Variants in LSS observed in about 807,000 individuals in gnomAD.
LSS encodes lanosterol synthase, also known as 2,3-epoxysqualene-lanosterol cyclase.
Under a neutral mutation model 110.3 loss-of-function variants are expected in LSS, and 90 were observed. The observed-to-expected ratio is 0.82, with a 90% CI of 0.69 to 0.97. LSS has a LOEUF of 0.97. Ranked by LOEUF, LSS falls within the 50% of genes least tolerant of loss-of-function variation. The probability of loss-of-function intolerance (pLI) is 0.00; values close to 1 mark genes in which losing one functional copy is unlikely to be tolerated. For missense variants in LSS, 927 were observed against 990.0 expected (o/e 0.94, Z 0.85); for synonymous variants, 433 against 400.0 (o/e 1.08, Z -0.98).
intron 3 of LSS, among the ~76,000 whole-genome samples, chr21:46,223,603 A>G (rs1569037085): frequency 6.6e-6 from 1 of 152,362 alleles, no homozygotes; most frequent in East Asian, 1.9e-4. Flanking sequence ...TACCAGATAT[A>G]GATCTTAGAG....
At chr21:46,213,923 C>T in intron 9 of LSS, 88 bp from the exon 10 acceptor site, 2 of 924,232 alleles carry the variant, frequency 2.2e-6, no homozygotes, top group South Asian at 2.8e-5. Context: ...ACAGCAGCCC[C>T]CAGGCATAAA....
intron 17 of LSS, among the ~76,000 whole-genome samples, chr21:46,200,002 G>A (rs537166975): frequency 6.6e-6 from 1 of 152,302 alleles, no homozygotes; most frequent in South Asian, 2.1e-4. Context: ...TTAGTACTGG[G>A]GAAACTTGAG....
At chr21:46,212,422 C>T (rs377584218) in intron 11 of LSS, among the ~76,000 whole-genome samples, 11 of 152,238 alleles carry the variant, frequency 7.2e-5, no homozygotes, top group South Asian at 2.1e-4. Flanking sequence ...GCTTCTGACA[C>T]GCACAGAGGG....
intron 15 of LSS, among the ~76,000 whole-genome samples, 193 bp downstream of exon 15, chr21:46,207,235 C>T (rs770911642): frequency 2.0e-4 from 31 of 152,232 alleles, no homozygotes; most frequent in Non-Finnish European, 3.7e-4. Context: ...GGGCCCTGTG[C>T]ACACAGCCCA....
chr21:46,208,410 G>A, intron 13 of LSS, 109 bp from the exon 14 acceptor site: 2 of 998,674 alleles, frequency 2.0e-6, no homozygotes, highest in South Asian at 2.8e-5. Context: ...GGCAGAACGT[G>A]CCTGGGAGCT....
intron 6 of LSS, 58 bp downstream of exon 6, chr21:46,219,418 C>T: frequency 2.3e-6 from 3 of 1,298,976 alleles, no homozygotes; most frequent in Non-Finnish European, 2.1e-6. Flanking sequence ...CGGTCCCTGT[C>T]ACTCTACTCC....
intron 17 of LSS, among the ~76,000 whole-genome samples, chr21:46,196,977 C>A (rs1318059822): frequency 2.0e-5 from 3 of 152,250 alleles, no homozygotes; most frequent in Non-Finnish European, 2.9e-5. Flanking sequence ...TCCTTCCTCA[C>A]TGGAAGCTCA....
chr21:46,207,739 A>T (rs1167101409), intron 14 of LSS, among the ~76,000 whole-genome samples, 162 bp from the exon 15 acceptor site: 1 of 152,296 alleles, frequency 6.6e-6, no homozygotes, highest in South Asian at 2.1e-4. Context: ...AGCTGGGTAC[A>T]TCCAGACAGA....
At chr21:46,214,520 AC>A in intron 9 of LSS, among the ~76,000 whole-genome samples, 1 of 152,346 alleles carries the variant, frequency 6.6e-6, no homozygotes, top group Non-Finnish European at 1.5e-5. Flanking sequence ...GCCCAGTGCC[AC>A]CTGGGTATGT....
Position 46,204,629 on chromosome 21 carries a change from A to AAAAG in LSS, c.1670+1203_1670+1206dup, listed in dbSNP as rs539478549. On this transcript the variant is annotated intron_variant, in intron 17 of 21. Coordinates refer to ENST00000397728, the MANE Select transcript of LSS (RefSeq NM_002340.6). ...GAGAGCTAGAACCCATCTCAAAAAAAAAAGAAAGAAAGAAAGAAAGAAAGA... is the reference window on the plus strand; with the variant it reads ...GAGAGCTAGAACCCATCTCAAAAAAAAAAGAAAGAAAGAAAGAAAGAAAGAAAGA... 2.8e-3 allele frequency among the ~76,000 whole-genome samples: 427 copies of AAAAG among 151,736 alleles called. 1 individual carries two copies. The highest frequency in any genetic ancestry group is 6.9e-3 in the African/African-American group (287 of 41,480).
chr21:46,209,548 C>G lies in LSS; in HGVS notation c.1266+6G>C. 1.2e-6 allele frequency: 2 copies of G among 1,602,642 alleles called. No individual in the cohort carries two copies. Among genetic ancestry groups the G allele is most frequent in the Non-Finnish European group, 1.7e-6 (2 of 1,175,066 alleles). On this transcript the variant is annotated splice_donor_region_variant and intron_variant, in intron 13 of 21. Transcript: ENST00000397728. This position sits in a 1 kb window ranked among gnomAD's most constrained non-coding sequence, Gnocchi z 4.4. ...GCCCCCTCAGAGCCCCAGGCACCGG[C>G]CTCACCTGTGAGAGCCTCAGGAACT...
chr21:46,224,388 C>G (rs1013255152), intron 3 of LSS, among the ~76,000 whole-genome samples: 8 of 152,222 alleles, frequency 5.3e-5, no homozygotes, highest in South Asian at 2.1e-4. Flanking sequence ...AGTGGTCCCC[C>G]GGGCCCAGCT....
intron 17 of LSS, among the ~76,000 whole-genome samples, chr21:46,201,167 C>T (rs1272439381): frequency 4.0e-4 from 40 of 98,976 alleles, no homozygotes; most frequent in African/African-American, 1.5e-3. Flanking sequence ...GCCTGGATCA[C>T]GTGGGAGGAC....
intron 19 of LSS, 121 bp downstream of exon 19, chr21:46,195,555 C>T: frequency 3.2e-6 from 3 of 937,356 alleles, no homozygotes; most frequent in Admixed American, 1.9e-5. Flanking sequence ...GAGCGAGACT[C>T]CGTCTCAAAA....
At chr21:46,215,097 A>G in intron 9 of LSS, 83 bp downstream of exon 9, 3 of 1,170,758 alleles carry the variant, frequency 2.6e-6, no homozygotes, top group Non-Finnish European at 3.8e-6. Context: ...CCCCACTCCC[A>G]GCTCACAGCC....
chr21:46,203,458 G>T (rs1439120847), intron 17 of LSS, among the ~76,000 whole-genome samples: 1 of 152,260 alleles, frequency 6.6e-6, no homozygotes, highest in Non-Finnish European at 1.5e-5. Context: ...AGCAACAGCA[G>T]ATTCTCCTTC....
In LSS at chr21:46,206,746, T is replaced by A; in HGVS notation, c.1490A>T (p.Asp497Val). Residue 497 changes from aspartate (D) to valine (V), a missense_variant, in exon 16 of 22, where the codon GAT becomes GTT. Physicochemically the swap from Asp to Val is radical, Grantham distance 152. Transcript: ENST00000397728. ...VAVLLNMRNP[D>V]GGFATYETKR... ...GGTCTCATAGGTGGCGAACCCTCCA[T>A]CTGGATTTCTCATGTTCAGCAGCTG... 1 of 1,612,268 alleles carries A rather than the reference T, an allele frequency of 6.2e-7. No individual in the cohort carries two copies. Among genetic ancestry groups the A allele is most frequent in the Non-Finnish European group, 8.5e-7 (1 of 1,179,952 alleles).
At position 46,216,310 on chromosome 21, in the gene LSS, G is replaced by A. The variant is rs546791204; in HGVS notation, c.783+79C>T. On this transcript the variant is annotated intron_variant, in intron 7 of 21. Coordinates refer to ENST00000397728, the MANE Select transcript of LSS (RefSeq NM_002340.6). This position sits in a 1 kb window ranked among gnomAD's most constrained non-coding sequence, Gnocchi z 4.2. ...AGGGCCACCAGGTGAGTGGACAGGTGTGGTTAGATTCCAGAAGCCCCAGGC... is the reference window on the plus strand; with the variant it reads ...AGGGCCACCAGGTGAGTGGACAGGTATGGTTAGATTCCAGAAGCCCCAGGC... The A allele has an allele frequency of 6.3e-7, 1 of 1,578,612 alleles. No homozygotes were observed. Among genetic ancestry groups the A allele is most frequent in the South Asian group, 1.1e-5 (1 of 90,208 alleles).
intron 4 of LSS, 37 bp downstream of exon 4, chr21:46,222,591 CAT>C: frequency 6.4e-7 from 1 of 1,553,834 alleles, no homozygotes; most frequent in South Asian, 1.1e-5. Context: ...AGAACACACA[CAT>C]GCACATGTGC....
Sources: gnomAD v4.1 joint callset for allele counts (sites outside exome capture counted in the v4.1 genomes callset) on GRCh38, gnomAD v4.1.1 for gene constraint, Gnocchi (gnomAD v3.1) non-coding constraint, MANE v1.5 for transcripts, NCBI Gene and HGNC (gene_info 2026-07-23, HGNC 2026-07-21) for gene names.